Variants in SQLE observed in about 807,000 individuals in gnomAD.
SQLE encodes squalene epoxidase.
SQLE carries 29 observed loss-of-function variants against 60.7 expected under a neutral mutation model. The observed-to-expected ratio is 0.48, with a 90% CI of 0.36 to 0.65. SQLE has a LOEUF of 0.65. Among genes scored for constraint, SQLE ranks in the 30% least tolerant of loss-of-function variants. The pLI, the probability that SQLE is intolerant of heterozygous loss-of-function variation, is 0.00. For synonymous variants in SQLE, 237 were observed against 246.8 expected (o/e 0.96, Z 0.37); for missense variants, 605 against 684.1 (o/e 0.88, Z 1.29).
At chr8:125,009,654 G>A (rs1417059331) in intron 6 of SQLE, among the ~76,000 whole-genome samples, 7 of 152,214 alleles carry the variant, frequency 4.6e-5, no homozygotes, top group Admixed American at 4.6e-4. Context: ...AATTAGCCGA[G>A]TGTGGTGGTG....
At chr8:125,010,607 T>C (rs1815023607) in intron 6 of SQLE, among the ~76,000 whole-genome samples, 1 of 152,186 alleles carries the variant, frequency 6.6e-6, no homozygotes, top group African/African-American at 2.4e-5. Context: ...AGATTTTAAA[T>C]AATGACATTT....
Position 125,020,864 on chromosome 8 carries a change from C to T in SQLE, c.1525C>T (p.Leu509Phe). ...ATGTGTTGCGGGTCCTGTTGGGCTG[C>T]TTTCTGTGTAAGTTGTGATGGCACA... ...GECVAGPVGL[L>F]SVLSPNPLVL... Residue 509 changes from leucine to phenylalanine, a missense_variant, in exon 10 of 11, where the codon CTT becomes TTT. By Grantham distance (22) the Leu-to-Phe change is conservative. Transcript: ENST00000265896. 1 of 1,612,558 alleles carries T rather than the reference C, an allele frequency of 6.2e-7. No individual in the cohort carries two copies. Among genetic ancestry groups the T allele is most frequent in the East Asian group, 2.2e-5 (1 of 44,850 alleles).
At position 124,999,995 on chromosome 8, in the gene SQLE, C is replaced by A. The variant is rs557963311; in HGVS notation, c.291+301C>A. The A allele has an allele frequency of 4.9e-4, 273 of 559,244 alleles. 1 individual carries two copies. Among genetic ancestry groups the A allele is most frequent in the African/African-American group, 4.1e-3 (222 of 53,776 alleles). 34.6% of individuals were successfully genotyped at this position (559,244 alleles called of 1,614,324 possible). A position where few individuals can be genotyped will look rare whatever the true frequency, so the allele number is the denominator to read the frequency against. On this transcript the variant is annotated intron_variant, in intron 1 of 10. Coordinates refer to ENST00000265896, the MANE Select transcript of SQLE (RefSeq NM_003129.4). ...TTTGAAGGAGAAGAACAACCACTTT[C>A]CATGATGAAAAAGTTTTTAAAAAGT...
intron 3 of SQLE, among the ~76,000 whole-genome samples, chr8:125,006,360 C>T (rs999066669): frequency 2.6e-5 from 4 of 152,086 alleles, no homozygotes; most frequent in Admixed American, 6.5e-5. Flanking sequence ...GTGGCTCATG[C>T]CTGTAATCCC....
chr8:125,007,664 C>T (rs1010545482), intron 4 of SQLE, among the ~76,000 whole-genome samples, 177 bp downstream of exon 4: 1 of 152,138 alleles, frequency 6.6e-6, no homozygotes, highest in Non-Finnish European at 1.5e-5. Flanking sequence ...ATTATACTTA[C>T]CAGTTGAGCA....
intron 2 of SQLE, 82 bp downstream of exon 2, chr8:125,003,510 G>A: frequency 4.9e-6 from 7 of 1,439,184 alleles, no homozygotes; most frequent in Admixed American, 2.4e-5. Context: ...CCAGTAAGAA[G>A]GTATTCCATT....
intron 7 of SQLE, 101 bp from the exon 8 acceptor site, chr8:125,017,958 T>C (rs1307055228): frequency 1.5e-6 from 2 of 1,320,358 alleles, no homozygotes; most frequent in Non-Finnish European, 2.1e-6. Context: ...ACATTTTTCT[T>C]ATTATTAGCT....
At chr8:125,020,758 T>C in intron 9 of SQLE, 26 bp from the exon 10 acceptor site, 1 of 1,457,492 alleles carries the variant, frequency 6.9e-7, no homozygotes, top group Non-Finnish European at 9.6e-7. Context: ...GTACACATAT[T>C]TGATTATTTT....
rs1294533624 is a variant in SQLE, at chr8:125,022,249, A to G, written c.*304A>G. The G allele has an allele frequency of 5.5e-6, 1 of 182,262 alleles. No individual in the cohort carries two copies. The highest frequency in any genetic ancestry group is 1.1e-5 in the Non-Finnish European group (1 of 88,134). The allele number at this position is 182,262 out of a possible 1,614,324, so 11.3% of individuals were successfully genotyped here. Reference sequence around the variant, plus strand: ...TCTTTTGAATTTAGTATTTGAGATGAGTTGTTGGGACATGCAAATAAAATG... The same window carrying G: ...TCTTTTGAATTTAGTATTTGAGATGGGTTGTTGGGACATGCAAATAAAATG... On this transcript the variant is annotated 3_prime_UTR_variant, in exon 11 of 11. Coordinates refer to ENST00000265896, the MANE Select transcript of SQLE (RefSeq NM_003129.4).
At chr8:125,013,222 G>A (rs1815063943) in intron 7 of SQLE, among the ~76,000 whole-genome samples, 2 of 151,956 alleles carry the variant, frequency 1.3e-5, no homozygotes, top group Middle Eastern at 3.4e-3. Context: ...TCTTCTTAAT[G>A]GTTTCCATTG....
At position 124,999,149 on chromosome 8, in the gene SQLE, C is replaced by T. The variant is rs1205208927; in HGVS notation, c.-255C>T. 2.6e-6 allele frequency: 1 copy of T among 383,022 alleles called. No homozygotes were observed. The highest frequency in any genetic ancestry group is 4.6e-6 in the Non-Finnish European group (1 of 217,200). 23.7% of individuals were successfully genotyped at this position (383,022 alleles called of 1,614,324 possible). On this transcript the variant is annotated 5_prime_UTR_variant, in exon 1 of 11. Transcript: ENST00000265896. ...CTGGGCGAGGAGGAGCGAGTCTGCT[C>T]GGGAGCTGTTCCAGCAGGCGATTTT...
Position 124,998,832 on chromosome 8 carries a change from C to T in SQLE, c.-572C>T, listed in dbSNP as rs935247937. The T allele has an allele frequency of 2.1e-6, 1 of 467,266 alleles. No homozygotes were observed. The highest frequency in any genetic ancestry group is 3.8e-6 in the Non-Finnish European group (1 of 263,220). The allele number at this position is 467,266 out of a possible 1,614,324, so 28.9% of individuals were successfully genotyped here. On this transcript the variant is annotated 5_prime_UTR_variant, in exon 1 of 11. Coordinates refer to ENST00000265896, the MANE Select transcript of SQLE (RefSeq NM_003129.4). ...GCGTTGGCGTTTTCCCGAGGTTGGG[C>T]TGTACAGTGTCTCCGTCCGCGGAAA...
At position 125,018,634 on chromosome 8, in the gene SQLE, A is replaced by C; in HGVS notation, c.1351A>C (p.Lys451Gln). 1 of 1,594,900 alleles carries C rather than the reference A, an allele frequency of 6.3e-7. No homozygotes were observed. Among genetic ancestry groups the C allele is most frequent in the Non-Finnish European group, 8.5e-7 (1 of 1,173,204 alleles). The stretch of plus-strand genomic sequence containing the variant: ...AAATGAGCTATTTCTTTTTTAGGCC[A>C]AAAAATCATTTTACTGGGCAAGAAA... ...LYDDAAIFEA[K>Q]KSFYWARKTS... Residue 451 changes from lysine (K) to glutamine (Q), a missense_variant, in exon 9 of 11, where the codon AAA (lysine) becomes CAA (glutamine). Transcript: ENST00000265896.
At position 124,999,488 on chromosome 8, in the gene SQLE, C is replaced by G. The variant is rs761372334; in HGVS notation, c.85C>G (p.Leu29Val). The G allele has an allele frequency of 2.2e-5, 36 of 1,601,866 alleles. No homozygotes were observed. The highest frequency in any genetic ancestry group is 3.5e-5 in the Admixed American group (2 of 57,858). The change falls in exon 1 of 11, where the codon CTG becomes GTG. Residue 29 changes from leucine to valine, a missense_variant. Coordinates refer to ENST00000265896, the MANE Select transcript of SQLE (RefSeq NM_003129.4). Reference protein sequence around the residue: ...DFITLANREVLLCVLVFLSLG... With the variant: ...DFITLANREVVLCVLVFLSLG... The stretch of plus-strand genomic sequence containing the variant: ...CATCACTTTGGCCAACAGGGAGGTC[C>G]TGTTGTGCGTGCTGGTGTTCCTCTC...
chr8:125,000,450 T>A (rs888151723), intron 1 of SQLE, among the ~76,000 whole-genome samples: 1 of 152,138 alleles, frequency 6.6e-6, no homozygotes, highest in African/African-American at 2.4e-5. Flanking sequence ...TTTTAAAAAA[T>A]TTTTGTTTTT....
rs747386166 is a variant in SQLE at position 125,021,992 on chromosome 8, T to C, written c.*47T>C. ...GAATGAATATTTGGAACTTACCAAG[T>C]CCTAAGAGACTTTTGGAAGAGGATA... On this transcript the variant is annotated 3_prime_UTR_variant, in exon 11 of 11. Coordinates refer to ENST00000265896, the MANE Select transcript of SQLE (RefSeq NM_003129.4). 51 of 1,451,836 alleles carry C rather than the reference T, an allele frequency of 3.5e-5. No homozygotes were observed. Among genetic ancestry groups the C allele is most frequent in the Admixed American group, 4.4e-5 (2 of 45,914 alleles). The allele number at this position is 1,451,836 out of a possible 1,614,324, so 89.9% of individuals were successfully genotyped here.
At chr8:125,018,470 C>G (rs754286494) in intron 8 of SQLE, among the ~76,000 whole-genome samples, 161 bp from the exon 9 acceptor site, 1 of 152,120 alleles carries the variant, frequency 6.6e-6, no homozygotes, top group Non-Finnish European at 1.5e-5. Flanking sequence ...TAACCCATTG[C>G]TCTGAAGGTG....
At chr8:125,001,708 C>T (rs1814858108) in intron 1 of SQLE, among the ~76,000 whole-genome samples, 1 of 151,456 alleles carries the variant, frequency 6.6e-6, no homozygotes, top group Non-Finnish European at 1.5e-5. Flanking sequence ...AATTCCCAGT[C>T]CACTATAGAG....
intron 2 of SQLE, 24 bp from the exon 3 acceptor site, chr8:125,005,501 G>A: frequency 6.5e-7 from 1 of 1,542,628 alleles, no homozygotes; most frequent in Non-Finnish European, 8.8e-7. Flanking sequence ...AGAATTGATT[G>A]TTTTGAACTC....
Sources: gnomAD v4.1 joint callset for allele counts (sites outside exome capture counted in the v4.1 genomes callset) on GRCh38, gnomAD v4.1.1 for gene constraint, MANE v1.5 for transcripts, NCBI Gene and HGNC (gene_info 2026-07-23, HGNC 2026-07-21) for gene names.